The following CDH13 variants were observed in gnomAD, a reference collection of about 807,000 sequenced individuals.
The protein encoded by CDH13 is cadherin 13.
Under a neutral mutation model 63.8 loss-of-function variants are expected in CDH13, and 24 were observed. The ratio of observed to expected loss-of-function variants is 0.38; its 90% CI spans 0.27 to 0.53. CDH13 has a LOEUF of 0.53. Ranked by LOEUF, CDH13 falls within the 20% of genes least tolerant of loss-of-function variation. The probability of loss-of-function intolerance (pLI) is 0.85; values close to 1 mark genes in which losing one functional copy is unlikely to be tolerated. For missense variants in CDH13, 1,049 were observed against 903.1 expected (o/e 1.16, Z -2.07); for synonymous variants, 503 against 355.3 (o/e 1.42, Z -4.67).
At chr16:83,208,754 C>T (rs1276874692) in intron 4 of CDH13, among the ~76,000 whole-genome samples, 1 of 152,142 alleles carries the variant, frequency 6.6e-6, no homozygotes, top group Non-Finnish European at 1.5e-5. Context: ...GATAATAATG[C>T]ATATGTATAG....
At chr16:83,694,401 A>C (rs1905182549) in intron 10 of CDH13, among the ~76,000 whole-genome samples, 2 of 152,130 alleles carry the variant, frequency 1.3e-5, no homozygotes, top group Admixed American at 1.3e-4. Flanking sequence ...TCTCCAAAAG[A>C]GGGGTTGGGA....
chr16:83,153,340 C>G (rs761700196), intron 4 of CDH13, among the ~76,000 whole-genome samples: 1 of 151,922 alleles, frequency 6.6e-6, no homozygotes, highest in African/African-American at 2.4e-5. Context: ...GCCAGTTGAT[C>G]CATCAAATGC....
chr16:83,379,922 T>TATAG (rs1332777081), intron 6 of CDH13, among the ~76,000 whole-genome samples: 1 of 86,678 alleles, frequency 1.2e-5, no homozygotes, highest in Non-Finnish European at 2.5e-5. Context: ...TGTGTGTGTA[T>TATAG]ATATATATAT....
intron 2 of CDH13, among the ~76,000 whole-genome samples, chr16:82,864,579 C>G (rs1435104720): frequency 6.6e-6 from 1 of 152,040 alleles, no homozygotes; most frequent in African/African-American, 2.4e-5. Flanking sequence ...ATAATGAGAA[C>G]AGCATAGAGA....
chr16:83,573,560 C>A (rs1291894746), intron 7 of CDH13, among the ~76,000 whole-genome samples: 1 of 152,136 alleles, frequency 6.6e-6, no homozygotes, highest in Non-Finnish European at 1.5e-5. Flanking sequence ...CCAGATATAA[C>A]CTTGGGATCC....
At chr16:83,037,016 G>A (rs1916922367) in intron 3 of CDH13, among the ~76,000 whole-genome samples, 1 of 152,178 alleles carries the variant, frequency 6.6e-6, no homozygotes, top group Non-Finnish European at 1.5e-5. Context: ...AGATTGATAT[G>A]ACAGGAGCTA....
intron 2 of CDH13, among the ~76,000 whole-genome samples, chr16:82,980,476 ACACAGTATTATAAGT>A: frequency 6.6e-6 from 1 of 152,214 alleles, no homozygotes; most frequent in East Asian, 1.9e-4. Context: ...ATTAAACACA[ACACAGTATTATAAGT>A]TTTAGAGGAC....
At chr16:83,446,308 A>G (rs2072686856) in intron 6 of CDH13, among the ~76,000 whole-genome samples, 2 of 151,828 alleles carry the variant, frequency 1.3e-5, no homozygotes, top group African/African-American at 2.4e-5. Context: ...CTCAAAAAAA[A>G]AAAAAAAAGA....
At chr16:82,632,268 T>G (rs986504714) in intron 1 of CDH13, among the ~76,000 whole-genome samples, 7 of 152,170 alleles carry the variant, frequency 4.6e-5, no homozygotes, top group African/African-American at 1.7e-4. Context: ...CTTTCACAAA[T>G]GTTGAGGTTT....
chr16:83,538,246 A>T (rs564353292), intron 7 of CDH13, among the ~76,000 whole-genome samples: 3 of 152,212 alleles, frequency 2.0e-5, no homozygotes, highest in East Asian at 1.9e-4. Context: ...GCACAAATAC[A>T]TTTATTTCTG....
At chr16:82,916,900 G>A (rs2042007551) in intron 2 of CDH13, among the ~76,000 whole-genome samples, 1 of 152,106 alleles carries the variant, frequency 6.6e-6, no homozygotes, top group South Asian at 2.1e-4. Context: ...AAATGAAATT[G>A]ACCAAAGTTC....
chr16:83,144,621 G>C (rs984532972), intron 4 of CDH13, among the ~76,000 whole-genome samples: 3 of 152,212 alleles, frequency 2.0e-5, no homozygotes, highest in African/African-American at 7.2e-5. Context: ...ACTATGCCCA[G>C]ATCCTGCCAA....
chr16:83,779,475 AC>A (rs1915367263), intron 11 of CDH13, among the ~76,000 whole-genome samples: 1 of 149,256 alleles, frequency 6.7e-6, no homozygotes, highest in Non-Finnish European at 1.5e-5. Context: ...AAACCACTAA[AC>A]TTTATACCAA....
chr16:83,774,992 G>A (rs1037788557), intron 11 of CDH13, among the ~76,000 whole-genome samples: 9 of 149,828 alleles, frequency 6.0e-5, no homozygotes, highest in African/African-American at 1.7e-4. Context: ...GAAGGAAGCT[G>A]TAAATAGTAA....
intron 2 of CDH13, among the ~76,000 whole-genome samples, chr16:82,864,901 T>C (rs1204659708): frequency 6.6e-6 from 1 of 152,214 alleles, no homozygotes; most frequent in African/African-American, 2.4e-5. Context: ...AGCTGCTTCC[T>C]GGATACAATG....
chr16:82,674,957 A>G (rs1038055094), intron 1 of CDH13, among the ~76,000 whole-genome samples: 1 of 152,238 alleles, frequency 6.6e-6, no homozygotes, highest in African/African-American at 2.4e-5. Context: ...TAATCTGTCA[A>G]TCAGGTGTCA....
At chr16:82,681,248 A>G (rs1411419784) in intron 1 of CDH13, among the ~76,000 whole-genome samples, 1 of 152,240 alleles carries the variant, frequency 6.6e-6, no homozygotes, top group Non-Finnish European at 1.5e-5. Flanking sequence ...TGCCGGTGGC[A>G]ACGACCCCAT....
At position 83,620,339 on chromosome 16, in the gene CDH13, C is replaced by A. The variant is rs1909692785; in HGVS notation, c.1101+17745C>A. ...CCAGGAGGCGGAGGTTGCAATGAGC[C>A]GAGATCGCACCACTGCACTACAACC... On this transcript the variant is annotated intron_variant, in intron 8 of 13. Transcript: ENST00000567109. Among the ~76,000 whole-genome samples the A allele has an allele frequency of 2.1e-5, 3 of 145,262 alleles. No individual in the cohort carries two copies. The South Asian group carries it at 6.5e-4, about 32-fold the overall frequency.
chr16:82,880,891 A>C (rs1034311993), intron 2 of CDH13, among the ~76,000 whole-genome samples: 1 of 152,192 alleles, frequency 6.6e-6, no homozygotes, highest in Non-Finnish European at 1.5e-5. Flanking sequence ...ACCATTTGTA[A>C]ATCAGATTAA....
Sources: gnomAD v4.1 joint callset for allele counts (sites outside exome capture counted in the v4.1 genomes callset) on GRCh38, gnomAD v4.1.1 for gene constraint, MANE v1.5 for transcripts, NCBI Gene and HGNC (gene_info 2026-07-23, HGNC 2026-07-21) for gene names.